ASPHD2: variants seen among roughly 807,000 people sequenced by gnomAD.
ASPHD2 encodes the protein aspartate beta-hydroxylase domain-containing protein 2.
ASPHD2 carries 12 observed loss-of-function variants against 34.6 expected under a neutral mutation model. That is an observed-to-expected ratio of 0.35 (90% confidence interval 0.22 to 0.56). The LOEUF is 0.56. Ranked by LOEUF, ASPHD2 falls within the 20% of genes least tolerant of loss-of-function variation. The pLI is 0.87. For missense variants in ASPHD2, 375 were observed against 505.0 expected (o/e 0.74, Z 2.47); for synonymous variants, 224 against 212.2 (o/e 1.06, Z -0.48).
Position 26,443,198 on chromosome 22 carries a change from G to A in ASPHD2, c.1102G>A (p.Gly368Arg). The change falls in exon 4 of 4, where the codon GGA (glycine) becomes AGA (arginine). Residue 368 changes from glycine to arginine, a missense_variant. Gly to Arg is a moderately radical substitution (Grantham distance 125). Around this residue, in one of 3 missense-constraint regions of ASPHD2, gnomAD observed 142 missense variants for 217.9 expected, o/e 0.65. Coordinates refer to ENST00000215906, the MANE Select transcript of ASPHD2 (RefSeq NM_020437.5). Reference sequence around the variant, plus strand: ...GGCTCTTGATTTCATCTTTGCTCCGGGACGATGAGAGTATTTCCCATGCTG... The same window carrying A: ...GGCTCTTGATTTCATCTTTGCTCCGAGACGATGAGAGTATTTCCCATGCTG... Reference protein sequence around the residue: ...RQALDFIFAPGR With the variant: ...RQALDFIFAPRR The A allele has an allele frequency of 6.2e-7, 1 of 1,613,980 alleles. No individual in the cohort carries two copies. The highest frequency in any genetic ancestry group is 1.7e-5 in the Admixed American group (1 of 60,016).
At position 26,438,480 on chromosome 22, in the gene ASPHD2, CATAT is replaced by C. The variant is rs1207280033; in HGVS notation, c.887-3973_887-3970del. Among the ~76,000 whole-genome samples, 5 of 87,952 alleles carry C rather than the reference CATAT, an allele frequency of 5.7e-5. No individual in the cohort carries two copies. The East Asian group carries it at 1.8e-3, about 32-fold the overall frequency. 57.7% of individuals were successfully genotyped at this position (87,952 alleles called of 152,430 possible). A position where few individuals can be genotyped will look rare whatever the true frequency, so the allele number is the denominator to read the frequency against. ...ATATATACACACACACATATATATACATATATATAGATACACACATACATATATA... is the reference window on the plus strand; with the variant it reads ...ATATATACACACACACATATATATACATATAGATACACACATACATATATA... On this transcript the variant is annotated intron_variant, in intron 2 of 3. Coordinates refer to ENST00000215906, the MANE Select transcript of ASPHD2 (RefSeq NM_020437.5).
intron 1 of ASPHD2, among the ~76,000 whole-genome samples, chr22:26,432,208 A>G (rs1006501372): frequency 3.3e-5 from 5 of 152,192 alleles, no homozygotes; most frequent in Admixed American, 6.5e-5. Context: ...AAGAAAAGAA[A>G]CAGGCTTAGG....
chr22:26,436,458 C>A (rs1046615720), intron 2 of ASPHD2, among the ~76,000 whole-genome samples: 33 of 152,148 alleles, frequency 2.2e-4, no homozygotes, highest in Admixed American at 9.8e-4. Context: ...CTGGAGGATC[C>A]CCACACAGAA....
intron 2 of ASPHD2, among the ~76,000 whole-genome samples, chr22:26,441,478 T>TTTAA (rs1555883502): frequency 2.1e-5 from 2 of 95,636 alleles, no homozygotes; most frequent in South Asian, 3.8e-4. Flanking sequence ...ACCTTGTATC[T>TTTAA]AAAAAAAAAA....
chr22:26,432,784 C>A lies in ASPHD2; in HGVS notation c.-224-608C>A, dbSNP rs934634198. On this transcript the variant is annotated intron_variant, in intron 1 of 3. Transcript: ENST00000215906. ...AAAATGCCCTTTGCCGCAGGCATGA[C>A]CTCAAGAGTGCCTACTTCCTCTTCC... Among the ~76,000 whole-genome samples the A allele has an allele frequency of 1.3e-5, 2 of 152,222 alleles. 1 individual carries two copies. Among genetic ancestry groups the A allele is most frequent in the Admixed American group, 1.3e-4 (2 of 15,286 alleles).
intron 1 of ASPHD2, among the ~76,000 whole-genome samples, chr22:26,432,972 G>GCGAT (rs1601699748): frequency 6.6e-6 from 1 of 152,224 alleles, no homozygotes; most frequent in Non-Finnish European, 1.5e-5. Flanking sequence ...TAAAGGTACA[G>GCGAT]CGATCACAGG....
In ASPHD2 at chr22:26,433,024, C is replaced by A. The variant is rs191790128; in HGVS notation, c.-224-368C>A. On this transcript the variant is annotated intron_variant, in intron 1 of 3. Coordinates refer to ENST00000215906, the MANE Select transcript of ASPHD2 (RefSeq NM_020437.5). The surrounding 1 kb of genome is among the most constrained non-coding windows in gnomAD (Gnocchi z 5.1). Reference sequence around the variant, plus strand: ...AAATACCTATGATGAAATAGCACAGCAAAATGGGTAGACATGGGCCTTGAA... The same window carrying A: ...AAATACCTATGATGAAATAGCACAGAAAAATGGGTAGACATGGGCCTTGAA... Among the ~76,000 whole-genome samples, 117 of 152,274 alleles carry A rather than the reference C, an allele frequency of 7.7e-4. 2 individuals are homozygous for A. The highest frequency in any genetic ancestry group is 7.3e-3 in the Admixed American group (112 of 15,308).
chr22:26,431,694 A>G (rs1208080323), intron 1 of ASPHD2, among the ~76,000 whole-genome samples: 1 of 152,134 alleles, frequency 6.6e-6, no homozygotes, highest in Non-Finnish European at 1.5e-5. Context: ...TCCAGGATTT[A>G]CCTTTAACTG....
At chr22:26,435,456 C>A (rs193020934) in intron 2 of ASPHD2, among the ~76,000 whole-genome samples, 1 of 152,170 alleles carries the variant, frequency 6.6e-6, no homozygotes, top group South Asian at 2.1e-4. Flanking sequence ...GCCTTGGCAG[C>A]GTCCAGCTTT....
At chr22:26,435,735 G>T (rs2084787850) in intron 2 of ASPHD2, among the ~76,000 whole-genome samples, 1 of 132,986 alleles carries the variant, frequency 7.5e-6, no homozygotes, top group East Asian at 2.0e-4. Flanking sequence ...GAAAAGAAAA[G>T]AAAAGAAAAG....
chr22:26,431,793 G>A (rs976763023), intron 1 of ASPHD2, among the ~76,000 whole-genome samples: 1 of 152,210 alleles, frequency 6.6e-6, no homozygotes, highest in African/African-American at 2.4e-5. Context: ...CATCCTAGCC[G>A]TCGCCTGCAT....
At position 26,444,961 on chromosome 22, in the gene ASPHD2, C is replaced by T. The variant is rs142256914; in HGVS notation, c.*1755C>T. 6.6e-6 allele frequency: 1 copy of T among 152,288 alleles called. No individual in the cohort carries two copies. Among genetic ancestry groups the T allele is most frequent in the East Asian group, 1.9e-4 (1 of 5,184 alleles). The allele number at this position is 152,288 out of a possible 1,614,324, so 9.4% of individuals were successfully genotyped here. On this transcript the variant is annotated 3_prime_UTR_variant, in exon 4 of 4. Transcript: ENST00000215906. ...GCGCAGGTACCTAGCTACCTGCATT[C>T]ATGTGACATGTCTGGGGAACAGAAG...
chr22:26,434,445 G>C lies in ASPHD2; in HGVS notation c.830G>C (p.Gly277Ala), dbSNP rs749036152. 4 of 1,613,064 alleles carry C rather than the reference G, an allele frequency of 2.5e-6. No individual in the cohort carries two copies. In the East Asian group the frequency reaches 6.7e-5, roughly 27 times the overall value. ...GNACISVLSPGTVITEHYGPT... is the reference protein window; with the variant it reads ...GNACISVLSPATVITEHYGPT... Reference sequence around the variant, plus strand: ...GCGTGCATCTCTGTGCTGAGCCCTGGGACTGTGATAACGGAGCACTATGGA... The same window carrying C: ...GCGTGCATCTCTGTGCTGAGCCCTGCGACTGTGATAACGGAGCACTATGGA... The change falls in exon 2 of 4, where the codon GGG becomes GCG. Residue 277 changes from glycine (G) to alanine (A), a missense_variant. Around this residue, in one of 3 missense-constraint regions of ASPHD2, gnomAD observed 142 missense variants for 217.9 expected, o/e 0.65. Transcript: ENST00000215906.
intron 2 of ASPHD2, among the ~76,000 whole-genome samples, chr22:26,440,851 A>G (rs963752387): frequency 4.6e-5 from 7 of 152,240 alleles, no homozygotes; most frequent in Non-Finnish European, 7.3e-5. Context: ...AGGGGAGACT[A>G]CAGTAAACAC....
At position 26,433,243 on chromosome 22, in the gene ASPHD2, G is replaced by C. The variant is rs1334498169; in HGVS notation, c.-224-149G>C. The C allele has an allele frequency of 1.1e-5, 3 of 266,234 alleles. No individual in the cohort carries two copies. Among genetic ancestry groups the C allele is most frequent in the Non-Finnish European group, 2.2e-5 (3 of 139,094 alleles). 16.5% of individuals were successfully genotyped at this position (266,234 alleles called of 1,614,324 possible). On this transcript the variant is annotated intron_variant, in intron 1 of 3. Coordinates refer to ENST00000215906, the MANE Select transcript of ASPHD2 (RefSeq NM_020437.5). This position sits in a 1 kb window ranked among gnomAD's most constrained non-coding sequence, Gnocchi z 5.1. ...ATACTACTGGCCTTTTGGGAAATGG[G>C]AGTGGCAGTAGAATGGGGAGGGAAT...
chr22:26,443,398 G>A lies in ASPHD2; in HGVS notation c.*192G>A. The A allele has an allele frequency of 1.8e-6, 1 of 542,646 alleles. No homozygotes were observed. The highest frequency in any genetic ancestry group is 3.3e-6 in the Non-Finnish European group (1 of 307,354). The allele number at this position is 542,646 out of a possible 1,614,324, so 33.6% of individuals were successfully genotyped here. A position where few individuals can be genotyped will look rare whatever the true frequency, so the allele number is the denominator to read the frequency against. On this transcript the variant is annotated 3_prime_UTR_variant, in exon 4 of 4. Coordinates refer to ENST00000215906, the MANE Select transcript of ASPHD2 (RefSeq NM_020437.5). ...ATTGTAAATGGAAACTTTTCGGCTTGTATTTCCTTAGATTTTTTTTTTTTC... is the reference window on the plus strand; with the variant it reads ...ATTGTAAATGGAAACTTTTCGGCTTATATTTCCTTAGATTTTTTTTTTTTC...
At chr22:26,431,419 A>G (rs1254235040) in intron 1 of ASPHD2, among the ~76,000 whole-genome samples, 15 of 1,688 alleles carry the variant, frequency 8.9e-3, no homozygotes, top group Non-Finnish European at 0.011. Flanking sequence ...GTGGGAAAGA[A>G]AAAAAAAAAA....
At chr22:26,442,414 GA>G in intron 2 of ASPHD2, 44 bp from the exon 3 acceptor site, 1 of 1,450,066 alleles carries the variant, frequency 6.9e-7, no homozygotes, top group Non-Finnish European at 9.4e-7. Flanking sequence ...GGCCTTCCCT[GA>G]ATCTTGCCTG....
rs1568987194 is a variant in ASPHD2, at chr22:26,444,257, C to A, written c.*1051C>A. 1 of 150,416 alleles carries A rather than the reference C, an allele frequency of 6.6e-6. No individual in the cohort carries two copies. The highest frequency in any genetic ancestry group is 1.5e-5 in the Non-Finnish European group (1 of 67,738). 9.3% of individuals were successfully genotyped at this position (150,416 alleles called of 1,614,324 possible). A position where few individuals can be genotyped will look rare whatever the true frequency, so the allele number is the denominator to read the frequency against. On this transcript the variant is annotated 3_prime_UTR_variant, in exon 4 of 4. Coordinates refer to ENST00000215906, the MANE Select transcript of ASPHD2 (RefSeq NM_020437.5). The stretch of plus-strand genomic sequence containing the variant: ...TTTTTTTTTCATTTATTTGTCTGTA[C>A]ATAAATGTTCAAACACTAGACTTGG...
Sources: allele counts gnomAD v4.1 joint callset (sites outside exome capture counted in the v4.1 genomes callset), GRCh38; gene constraint gnomAD v4.1.1; regional missense constraint gnomAD v4.1.1; non-coding constraint Gnocchi (gnomAD v3.1); transcripts MANE v1.5; gene names NCBI Gene and HGNC (gene_info 2026-07-23, HGNC 2026-07-21).